CYRIB: variants seen among roughly 807,000 people sequenced by gnomAD.
The protein encoded by CYRIB is CYFIP related Rac1 interactor B.
CYRIB carries 8 observed loss-of-function variants against 44.2 expected under a neutral mutation model. The observed-to-expected ratio is 0.18, with a 90% CI of 0.11 to 0.33. The LOEUF (loss-of-function observed/expected upper bound fraction) is 0.33. CYRIB is among the 10% of genes least tolerant of loss of function. The pLI, the probability that CYRIB is intolerant of heterozygous loss-of-function variation, is 1.00. For missense variants in CYRIB, 185 were observed against 382.8 expected, an observed-to-expected ratio of 0.48 and a Z score of 4.31; for synonymous variants, 131 against 127.2, an observed-to-expected ratio of 1.03 and a Z score of -0.20.
At chr8:129,944,725 G>C (rs1255169576), upstream of CYRIB, among the ~76,000 whole-genome samples, 1 of 151,874 alleles carries the variant, frequency 6.6e-6, no homozygotes, top group Non-Finnish European at 1.5e-5. Context: ...AGAGGTCGCA[G>C]TGAGCCAATA....
At chr8:129,873,213 C>T (rs188538748) in intron 3 of CYRIB, among the ~76,000 whole-genome samples, 3 of 151,808 alleles carry the variant, frequency 2.0e-5, no homozygotes, top group African/African-American at 7.2e-5. Context: ...GAGGAAAATA[C>T]TGTGACAAAA....
chr8:129,894,277 C>A (rs1253111353), intron 2 of CYRIB, among the ~76,000 whole-genome samples: 1 of 152,200 alleles, frequency 6.6e-6, no homozygotes. Flanking sequence ...TCCACAGGTA[C>A]AAAGATTTCC....
intron 2 of CYRIB, among the ~76,000 whole-genome samples, chr8:129,893,999 TA>T (rs1398467904): frequency 1.3e-5 from 2 of 152,250 alleles, no homozygotes; most frequent in Non-Finnish European, 2.9e-5. Flanking sequence ...CAATAGTTTT[TA>T]AAAATTATTA....
chr8:129,984,957 A>G (rs2096396764), intron 1 of CYRIB, among the ~76,000 whole-genome samples: 1 of 152,108 alleles, frequency 6.6e-6, no homozygotes, highest in Non-Finnish European at 1.5e-5. Flanking sequence ...TATTTTTAGT[A>G]GAGATGGGAT....
At chr8:130,009,205 G>A (rs1378605825) in intron 1 of CYRIB, among the ~76,000 whole-genome samples, 1 of 151,908 alleles carries the variant, frequency 6.6e-6, no homozygotes, top group Non-Finnish European at 1.5e-5. Flanking sequence ...TTTCAAAGGC[G>A]CCAACCACTA....
upstream of CYRIB, chr8:129,940,007 G>T (rs2093547927): frequency 6.6e-6 from 1 of 152,456 alleles, no homozygotes; most frequent in South Asian, 2.1e-4. Flanking sequence ...CGGCGGGCGC[G>T]GCGTGCAGAG....
intron 1 of CYRIB, among the ~76,000 whole-genome samples, chr8:129,973,965 CA>C (rs1386627907): frequency 1.3e-5 from 2 of 152,152 alleles, no homozygotes; most frequent in African/African-American, 4.8e-5. Context: ...CCTGAGGGCT[CA>C]TGCTAGGTTT....
chr8:129,989,035 G>A (rs1029305120), intron 1 of CYRIB, among the ~76,000 whole-genome samples: 1 of 152,170 alleles, frequency 6.6e-6, no homozygotes, highest in Non-Finnish European at 1.5e-5. Flanking sequence ...CTAGGAGGCT[G>A]ACCTGCCAGG....
At chr8:129,974,991 T>G (rs1240361146) in intron 1 of CYRIB, among the ~76,000 whole-genome samples, 1 of 151,946 alleles carries the variant, frequency 6.6e-6, no homozygotes, top group Admixed American at 6.6e-5. Context: ...GAGATTCTTC[T>G]GCCTCAGGCT....
chr8:129,865,524 T>C (rs384752), intron 4 of CYRIB, among the ~76,000 whole-genome samples: 86,473 of 152,100 alleles, frequency 0.57, 25,198 homozygotes, highest in African/African-American at 0.7. Flanking sequence ...ATCTATTGTT[T>C]CATTTGTATG....
At chr8:129,920,454 A>G (rs2082979958) in intron 1 of CYRIB, among the ~76,000 whole-genome samples, 1 of 152,200 alleles carries the variant, frequency 6.6e-6, no homozygotes, top group South Asian at 2.1e-4. Context: ...ATAATTAAGT[A>G]GAAATCATTC....
At chr8:129,906,514 C>G (rs201359652) in intron 1 of CYRIB, among the ~76,000 whole-genome samples, 20 of 151,996 alleles carry the variant, frequency 1.3e-4, no homozygotes, top group South Asian at 4.1e-4. Context: ...AGAAAACCTA[C>G]GCAATACCAT....
chr8:129,845,394 C>T (rs1352335380), intron 11 of CYRIB, among the ~76,000 whole-genome samples: 1 of 152,190 alleles, frequency 6.6e-6, no homozygotes, highest in Non-Finnish European at 1.5e-5. Flanking sequence ...GGAGGAAAGA[C>T]TCATGATATC....
chr8:129,976,995 C>T (rs1458546559), intron 1 of CYRIB, among the ~76,000 whole-genome samples: 1 of 152,142 alleles, frequency 6.6e-6, no homozygotes, highest in African/African-American at 2.4e-5. Flanking sequence ...GCATGTGCCA[C>T]CACGCCCAAC....
At chr8:130,014,886 C>A (rs1014510495) in intron 1 of CYRIB, among the ~76,000 whole-genome samples, 3 of 152,182 alleles carry the variant, frequency 2.0e-5, no homozygotes, top group Non-Finnish European at 2.9e-5. Context: ...TCCGGGCTTC[C>A]CCCACATTAC....
chr8:129,851,272 G>C, intron 8 of CYRIB: 2 of 219,018 alleles, frequency 9.1e-6, no homozygotes, highest in South Asian at 7.1e-5. Context: ...GGAGGAGGGA[G>C]GGAACATGGT....
At chr8:129,988,225 G>C (rs755073919) in intron 1 of CYRIB, among the ~76,000 whole-genome samples, 48 of 152,164 alleles carry the variant, frequency 3.2e-4, no homozygotes, top group Non-Finnish European at 5.1e-4. Flanking sequence ...TCAGGGGTAC[G>C]TATCTTCCGG....
intron 2 of CYRIB, among the ~76,000 whole-genome samples, chr8:129,889,554 G>A (rs1029985713): frequency 6.6e-6 from 1 of 152,172 alleles, no homozygotes; most frequent in African/African-American, 2.4e-5. Flanking sequence ...TGATTCATGG[G>A]AAGGGGTCAA....
At position 130,012,687 on chromosome 8, in the gene CYRIB, T is replaced by C. The variant is rs115316302; in HGVS notation, c.-296+3683A>G. ...ATCTTGGCCAAGGGCACAGAGCTAG[T>C]GAGTGGCAGAGCCAGGATGTGAACC... On this transcript the variant is annotated intron_variant, in intron 1 of 14. Coordinates refer to the CYRIB transcript ENST00000401979. Among the ~76,000 whole-genome samples, 870 of 152,136 alleles carry C rather than the reference T, an allele frequency of 5.7e-3. 11 individuals are homozygous for C. Among genetic ancestry groups the C allele is most frequent in the African/African-American group, 0.02 (836 of 41,500 alleles).
Sources: gnomAD v4.1 joint callset for allele counts (sites outside exome capture counted in the v4.1 genomes callset) on GRCh38, gnomAD v4.1.1 for gene constraint, MANE v1.5 for transcripts, NCBI Gene and HGNC (gene_info 2026-07-23, HGNC 2026-07-21) for gene names.